Variants in TEX2 observed in about 807,000 individuals in gnomAD.
The protein encoded by TEX2 is testis expressed 2.
TEX2 carries 53 observed loss-of-function variants against 106.9 expected under a neutral mutation model. That is an observed-to-expected ratio of 0.50 (90% CI 0.40 to 0.62). The LOEUF (loss-of-function observed/expected upper bound fraction) is 0.62. Ranked by LOEUF, TEX2 falls within the 20% of genes least tolerant of loss-of-function variation. The pLI is 0.00. For synonymous variants in TEX2, 523 were observed against 534.8 expected (o/e 0.98, Z 0.30); for missense variants, 1,207 against 1,379.0 (o/e 0.88, Z 1.98).
chr17:64,212,227 G>A (rs2033022873), intron 2 of TEX2, among the ~76,000 whole-genome samples: 1 of 152,102 alleles, frequency 6.6e-6, no homozygotes, highest in African/African-American at 2.4e-5. Context: ...CCTTCTTCAA[G>A]GTCTCAAGAA....
intron 1 of TEX2, among the ~76,000 whole-genome samples, chr17:64,260,359 G>A (rs1346300773): frequency 6.6e-6 from 1 of 152,224 alleles, no homozygotes; most frequent in African/African-American, 2.4e-5. Flanking sequence ...CTTGGACACA[G>A]GGTCTTACTC....
At chr17:64,158,113 C>G (rs1000943129) in intron 8 of TEX2, among the ~76,000 whole-genome samples, 2 of 152,156 alleles carry the variant, frequency 1.3e-5, no homozygotes, top group Non-Finnish European at 1.5e-5. Context: ...TGGGAAAAGA[C>G]TAAAGGAAAA....
intron 1 of TEX2, among the ~76,000 whole-genome samples, chr17:64,236,810 CTTAAT>C (rs782132757): frequency 6.6e-6 from 1 of 152,154 alleles, no homozygotes; most frequent in Non-Finnish European, 1.5e-5. Context: ...CTATGGCTCT[CTTAAT>C]TTCACAATTT....
At chr17:64,173,593 T>C (rs2143753416) in intron 6 of TEX2, among the ~76,000 whole-genome samples, 1 of 152,328 alleles carries the variant, frequency 6.6e-6, no homozygotes, top group South Asian at 2.1e-4. Flanking sequence ...TAGACAGTGT[T>C]CAAAGGCATA....
At chr17:64,191,233 C>G (rs1012699853) in intron 4 of TEX2, among the ~76,000 whole-genome samples, 2 of 152,176 alleles carry the variant, frequency 1.3e-5, no homozygotes, top group Non-Finnish European at 2.9e-5. Flanking sequence ...CTGACTCTTA[C>G]CATTATGTTT....
intron 1 of TEX2, among the ~76,000 whole-genome samples, chr17:64,239,697 G>A (rs1435710561): frequency 6.6e-6 from 1 of 151,888 alleles, no homozygotes; most frequent in Admixed American, 6.6e-5. Flanking sequence ...CCAATATGGT[G>A]AAACCCCGTC....
intron 1 of TEX2, among the ~76,000 whole-genome samples, chr17:64,226,404 C>A (rs1217115163): frequency 6.6e-6 from 1 of 152,136 alleles, no homozygotes; most frequent in Admixed American, 6.5e-5. Context: ...ATTTTAAAGG[C>A]AAATCTTGTA....
chr17:64,164,768 A>G (rs1158060660), intron 7 of TEX2, among the ~76,000 whole-genome samples: 1 of 152,242 alleles, frequency 6.6e-6, no homozygotes, highest in Non-Finnish European at 1.5e-5. Flanking sequence ...GCCAGTTGGT[A>G]TCATAAAATG....
intron 4 of TEX2, among the ~76,000 whole-genome samples, chr17:64,191,066 T>C (rs2032279237): frequency 6.6e-6 from 1 of 152,228 alleles, no homozygotes; most frequent in African/African-American, 2.4e-5. Context: ...TTTACCTTGC[T>C]ACTAGTTTAA....
intron 9 of TEX2, among the ~76,000 whole-genome samples, chr17:64,154,005 A>G (rs8081474): frequency 0.16 from 25,003 of 152,164 alleles, 3,012 homozygotes; most frequent in African/African-American, 0.33. Context: ...AAGCTGTTGT[A>G]TCAGGTCACA....
At chr17:64,179,503 T>C (rs1345124489) in intron 5 of TEX2, among the ~76,000 whole-genome samples, 1 of 152,194 alleles carries the variant, frequency 6.6e-6, no homozygotes, top group East Asian at 1.9e-4. Context: ...TTCCTACTAC[T>C]CACTCTTTGG....
intron 1 of TEX2, chr17:64,242,451 G>C (rs1422395003): frequency 1.3e-5 from 2 of 152,154 alleles, no homozygotes; most frequent in Non-Finnish European, 2.9e-5. Flanking sequence ...GATCCTTCCA[G>C]AAAAGGGAGG....
intron 1 of TEX2, among the ~76,000 whole-genome samples, chr17:64,258,000 C>T (rs1222923482): frequency 6.6e-6 from 1 of 152,086 alleles, no homozygotes; most frequent in Non-Finnish European, 1.5e-5. Context: ...CAACCTCCGC[C>T]TCCTGGGCTC....
chr17:64,186,818 C>T (rs1002896593), intron 5 of TEX2, among the ~76,000 whole-genome samples: 2 of 149,024 alleles, frequency 1.3e-5, no homozygotes, highest in African/African-American at 5.0e-5. Flanking sequence ...ACTGCGAGAC[C>T]TTGTCTCAAA....
chr17:64,218,156 G>C (rs2033240603), intron 1 of TEX2, among the ~76,000 whole-genome samples: 1 of 152,044 alleles, frequency 6.6e-6, no homozygotes, highest in Non-Finnish European at 1.5e-5. Context: ...TGAGGCACAA[G>C]AATTGCTTGA....
chr17:64,158,447 G>A (rs2030732581), intron 8 of TEX2, among the ~76,000 whole-genome samples: 1 of 152,260 alleles, frequency 6.6e-6, no homozygotes, highest in Non-Finnish European at 1.5e-5. Context: ...AGAGCCTGCA[G>A]GAAAGGGCTG....
intron 1 of TEX2, among the ~76,000 whole-genome samples, chr17:64,227,167 A>G (rs1311829570): frequency 6.6e-6 from 1 of 151,418 alleles, no homozygotes; most frequent in Non-Finnish European, 1.5e-5. Context: ...CGGAGGTTAC[A>G]GTGAGCTGAG....
At chr17:64,169,482 T>C (rs1382744833) in intron 7 of TEX2, among the ~76,000 whole-genome samples, 1 of 152,190 alleles carries the variant, frequency 6.6e-6, no homozygotes, top group Non-Finnish European at 1.5e-5. Flanking sequence ...GGTATAGACA[T>C]AATTGAGGGG....
intron 1 of TEX2, among the ~76,000 whole-genome samples, chr17:64,260,550 T>G (rs1487333498): frequency 1.3e-5 from 2 of 152,146 alleles, no homozygotes; most frequent in Non-Finnish European, 2.9e-5. Flanking sequence ...CTTGGGCAAG[T>G]TACTACTTTG....
Sources: allele counts gnomAD v4.1 joint callset (sites outside exome capture counted in the v4.1 genomes callset), GRCh38; gene constraint gnomAD v4.1.1; transcripts MANE v1.5; gene names NCBI Gene and HGNC (gene_info 2026-07-23, HGNC 2026-07-21).